Variants in SCRIB observed in about 807,000 individuals in gnomAD.
SCRIB encodes the protein protein scribble homolog.
A neutral mutation model predicts 170.0 loss-of-function variants in SCRIB; 72 were observed. That is an observed-to-expected ratio of 0.42 (90% CI 0.35 to 0.52). The LOEUF (loss-of-function observed/expected upper bound fraction) is 0.52, where lower values mean the gene tolerates loss of function less well. SCRIB is among the 20% of genes least tolerant of loss of function. SCRIB has a pLI of 0.02. For missense variants in SCRIB, 2,475 were observed against 2,338.5 expected, an observed-to-expected ratio of 1.06 and a Z score of -1.20; for synonymous variants, 1,298 against 1,044.3, an observed-to-expected ratio of 1.24 and a Z score of -4.68.
At chr8:143,811,442 G>A (rs112037811) in intron 9 of SCRIB, 97 bp from the exon 10 acceptor site, 1 of 1,103,616 alleles carries the variant, frequency 9.1e-7, no homozygotes, top group African/African-American at 1.5e-5. Flanking sequence ...CCCCAGGCCA[G>A]CTCCAGCCAG....
At position 143,809,748 on chromosome 8, in the gene SCRIB, C is replaced by T. The variant is rs772146186; in HGVS notation, c.1531-30G>A. 7.5e-6 allele frequency: 12 copies of T among 1,594,598 alleles called. No homozygotes were observed. The South Asian group carries it at 7.7e-5, about 10-fold the overall frequency. On this transcript the variant is annotated intron_variant, in intron 13 of 36. Coordinates refer to ENST00000356994, the MANE Select transcript of SCRIB (RefSeq NM_182706.5). ...GGCGGGAAGTGGGGTCAGGCTTCGA[C>T]GGAGCTCCCGACTCACAGGCTGGCC... is the stretch of plus-strand genomic sequence containing the variant.
chr8:143,811,033 G>A lies in SCRIB; in HGVS notation c.1146C>T (p.Leu382=). The change falls in exon 11 of 37, where the codon CTC becomes CTT. Residue 382 remains leucine (L), a synonymous_variant. Transcript: ENST00000356994. Reference sequence around the variant, plus strand: ...GGTTCTCTGCCAGCCACAGGGCCTTGAGATTGAGGTGGGTGAGCGCGAACG... The same window carrying A: ...GGTTCTCTGCCAGCCACAGGGCCTTAAGATTGAGGTGGGTGAGCGCGAACG... ...SLPFALTHLN[L]KALWLAENQA... The A allele has an allele frequency of 6.2e-7, 1 of 1,612,540 alleles. No homozygotes were observed. Among genetic ancestry groups the A allele is most frequent in the Non-Finnish European group, 8.5e-7 (1 of 1,179,684 alleles).
rs569532885 is a variant in SCRIB, at chr8:143,803,438, G to A, written c.3548C>T (p.Thr1183Ile). 5.0e-6 allele frequency: 8 copies of A among 1,596,876 alleles called. No homozygotes were observed. The African/African-American group carries it at 8.0e-5, about 16-fold the overall frequency. Residue 1183 changes from threonine to isoleucine, a missense_variant, in exon 24 of 37, where the codon ACC becomes ATC. Around this residue, in one of 3 missense-constraint regions of SCRIB, gnomAD observed 1,966 missense variants for 1,742.9 expected, o/e 1.13. Coordinates refer to ENST00000356994, the MANE Select transcript of SCRIB (RefSeq NM_182706.5). ...AVQLLRSVGDTLTVLVCDGFE... is the reference protein window; with the variant it reads ...AVQLLRSVGDILTVLVCDGFE... ...GCCGTCACAGACCAGCACGGTGAGG[G>A]TGTCGCCCACACTGCGGAGCAGCTG...
chr8:143,791,252 C>T lies in SCRIB; in HGVS notation c.4879G>A (p.Gly1627Ser), dbSNP rs782521316. Residue 1627 changes from glycine to serine, a missense_variant, in exon 37 of 37, where the codon GGC becomes AGC. Coordinates refer to ENST00000356994, the MANE Select transcript of SCRIB (RefSeq NM_182706.5). ...ALVLLGRPSP[G>S]AVGPEDVALC... ...GCCACATCTTCAGGGCCCACAGCGC[C>T]GGGTGAGGGCCTGCCCAGAAGCACC... The T allele has an allele frequency of 1.0e-5, 15 of 1,505,542 alleles. No individual in the cohort carries two copies. The highest frequency in any genetic ancestry group is 1.7e-4 in the Middle Eastern group (1 of 5,740). The allele number at this position is 1,505,542 out of a possible 1,614,324, so 93.3% of individuals were successfully genotyped here.
At chr8:143,803,330 A>G in intron 24 of SCRIB, 53 bp downstream of exon 24, 1 of 1,471,316 alleles carries the variant, frequency 6.8e-7, no homozygotes, top group Non-Finnish European at 9.0e-7. Context: ...GCGGCTCACA[A>G]CACCTTGGGC....
Position 143,792,530 on chromosome 8 carries a change from T to C in SCRIB, c.4283A>G (p.Gln1428Arg), listed in dbSNP as rs1814744448. ...LDGETLGEEE[Q>R]EDEQPPWASP... Reference sequence around the variant, plus strand: ...GGCCCAGGGTGGCTGCTCATCCTCCTGTTCCTCCTCGCCCAGCGTCTCCCC... The same window carrying C: ...GGCCCAGGGTGGCTGCTCATCCTCCCGTTCCTCCTCGCCCAGCGTCTCCCC... The change falls in exon 31 of 37, where the codon CAG (glutamine) becomes CGG (arginine). Residue 1428 changes from glutamine (Q) to arginine (R), a missense_variant. Transcript: ENST00000356994. 1.9e-6 allele frequency: 3 copies of C among 1,557,606 alleles called. No individual in the cohort carries two copies. Among genetic ancestry groups the C allele is most frequent in the Non-Finnish European group, 1.7e-6 (2 of 1,158,590 alleles).
intron 28 of SCRIB, chr8:143,793,320 C>A: frequency 2.4e-6 from 1 of 419,730 alleles, no homozygotes; most frequent in Non-Finnish European, 4.2e-6. Context: ...GAGCCAATGG[C>A]TGGATCACCC....
rs781838984 is a variant in SCRIB at position 143,795,413 on chromosome 8, C to G, written c.3714+7G>C. ...CCCTGGGGCTGCCGGCTGCAGGCAC[C>G]TCTGACCTTGCCTGGGCCCTCAGGG... On this transcript the variant is annotated splice_region_variant and intron_variant, in intron 25 of 36. Coordinates refer to ENST00000356994, the MANE Select transcript of SCRIB (RefSeq NM_182706.5). 2.5e-6 allele frequency: 4 copies of G among 1,612,800 alleles called. 1 individual carries two copies. The South Asian group carries it at 4.4e-5, about 18-fold the overall frequency.
chr8:143,806,051 G>C (rs1815410361), intron 18 of SCRIB, among the ~76,000 whole-genome samples: 1 of 152,176 alleles, frequency 6.6e-6, no homozygotes, highest in South Asian at 2.1e-4. Context: ...AGACCTGCCA[G>C]TAGCCTGACC....
intron 1 of SCRIB, 55 bp downstream of exon 1, chr8:143,815,159 A>T: frequency 6.8e-7 from 1 of 1,465,688 alleles, no homozygotes. Flanking sequence ...CTGCCGCCGG[A>T]GGAATCACGG....
rs1815865929 is a variant in SCRIB, at chr8:143,813,638, T to C, written c.445A>G (p.Asn149Asp). 6.2e-7 allele frequency: 1 copy of C among 1,613,246 alleles called. No homozygotes were observed. Among genetic ancestry groups the C allele is most frequent in the Non-Finnish European group, 8.5e-7 (1 of 1,179,946 alleles). ...SLQALPGDVG[N>D]LANLVTLELR... ...AGTTCCACCTGAGAAGGCACTCACT[T>C]GCCCACGTCCCCGGGCAGTGCCTGC... is the stretch of plus-strand genomic sequence containing the variant. The change falls in exon 4 of 37, where the codon AAC becomes GAC. Residue 149 changes from asparagine to aspartate, a missense_variant and splice_region_variant. This residue lies in a region of SCRIB where 487 missense variants were observed against 558.1 expected (regional missense o/e 0.87). Coordinates refer to ENST00000356994, the MANE Select transcript of SCRIB (RefSeq NM_182706.5).
intron 14 of SCRIB, among the ~76,000 whole-genome samples, chr8:143,809,275 C>T (rs1254201252): frequency 1.3e-5 from 2 of 152,078 alleles, no homozygotes; most frequent in Admixed American, 6.5e-5. Flanking sequence ...ACCAGGGAGC[C>T]CACGGGGGTC....
intron 1 of SCRIB, 123 bp from the exon 2 acceptor site, chr8:143,814,241 G>C (rs1815907874): frequency 1.3e-6 from 1 of 759,450 alleles, no homozygotes; most frequent in East Asian, 2.7e-5. Context: ...GGTCACACCG[G>C]GTCCTGGGGT....
At chr8:143,803,308 C>G (rs893889711) in intron 24 of SCRIB, 75 bp downstream of exon 24, 2 of 1,394,292 alleles carry the variant, frequency 1.4e-6, no homozygotes, top group Admixed American at 4.9e-5. Flanking sequence ...TCGCCTGCCC[C>G]GAGAGGTGTC....
chr8:143,813,265 TCCGTGGCCCGCCCTC>T, intron 6 of SCRIB, 31 bp downstream of exon 6: 1 of 1,611,204 alleles, frequency 6.2e-7, no homozygotes, highest in Non-Finnish European at 8.5e-7. Context: ...TGCCCTTGCT[TCCGTGGCCCGCCCTC>T]CGGTCTCTGC....
intron 24 of SCRIB, among the ~76,000 whole-genome samples, 198 bp from the exon 25 acceptor site, chr8:143,795,728 G>A (rs782686817): frequency 5.3e-5 from 8 of 152,328 alleles, no homozygotes; most frequent in African/African-American, 1.7e-4. Flanking sequence ...CACTGTCCCC[G>A]GCCGGTCCCC....
At chr8:143,812,752 C>T (rs374640836) in intron 8 of SCRIB, 65 bp downstream of exon 8, 27 of 1,555,880 alleles carry the variant, frequency 1.7e-5, no homozygotes, top group East Asian at 4.5e-5. Flanking sequence ...ACAGCCCCGA[C>T]GCCCCACGCT....
chr8:143,806,601 C>T (rs1350448783), intron 17 of SCRIB, 117 bp from the exon 18 acceptor site: 15 of 823,108 alleles, frequency 1.8e-5, no homozygotes, highest in Non-Finnish European at 2.6e-5. Context: ...CCCTGGCCAG[C>T]AGGAGGACTG....
Position 143,815,203 on chromosome 8 carries a change from C to T in SCRIB, c.159+11G>A. 3 of 1,558,072 alleles carry T rather than the reference C, an allele frequency of 1.9e-6. No homozygotes were observed. The highest frequency in any genetic ancestry group is 1.2e-5 in the South Asian group (1 of 86,570). ...CGCGCCTTTGGGCGGCAGGTGCGGGCGGCCGCTCACCTTGGGCAGCTCGCG... is the reference window on the plus strand; with the variant it reads ...CGCGCCTTTGGGCGGCAGGTGCGGGTGGCCGCTCACCTTGGGCAGCTCGCG... On this transcript the variant is annotated intron_variant, in intron 1 of 36. Coordinates refer to ENST00000356994, the MANE Select transcript of SCRIB (RefSeq NM_182706.5).
Sources: allele counts gnomAD v4.1 joint callset (sites outside exome capture counted in the v4.1 genomes callset), GRCh38; gene constraint gnomAD v4.1.1; regional missense constraint gnomAD v4.1.1; transcripts MANE v1.5; gene names NCBI Gene and HGNC (gene_info 2026-07-23, HGNC 2026-07-21).